The following RAD51B variants were observed in gnomAD, a reference collection of about 807,000 sequenced individuals.
RAD51B encodes the protein DNA repair protein RAD51 homolog 2.
RAD51B carries 38 observed loss-of-function variants against 42.2 expected under a neutral mutation model. That is an observed-to-expected ratio of 0.90 (90% CI 0.70 to 1.18). The LOEUF (loss-of-function observed/expected upper bound fraction) is 1.18. Among genes scored for constraint, RAD51B ranks in the 50% most tolerant of loss-of-function variants. The probability of loss-of-function intolerance (pLI) is 0.00; values close to 1 mark genes in which losing one functional copy is unlikely to be tolerated. For missense variants in RAD51B, 373 were observed against 400.7 expected, an observed-to-expected ratio of 0.93 and a Z score of 0.59; for synonymous variants, 154 against 145.2, an observed-to-expected ratio of 1.06 and a Z score of -0.43.
At chr14:68,153,876 A>T (rs1357588294) in intron 7 of RAD51B, among the ~76,000 whole-genome samples, 1 of 152,158 alleles carries the variant, frequency 6.6e-6, no homozygotes, top group Non-Finnish European at 1.5e-5. Flanking sequence ...AGTGTATCTC[A>T]TTTATTGAGT....
intron 8 of RAD51B, among the ~76,000 whole-genome samples, chr14:68,329,981 CAAAAA>C (rs57191974): frequency 1.8e-5 from 2 of 113,882 alleles, no homozygotes; most frequent in Non-Finnish European, 1.8e-5. Flanking sequence ...GACTCTGTCT[CAAAAA>C]AAAAAAAAAA....
intron 10 of RAD51B, among the ~76,000 whole-genome samples, chr14:68,636,117 A>T (rs1037299333): frequency 6.6e-6 from 1 of 152,212 alleles, no homozygotes; most frequent in African/African-American, 2.4e-5. Context: ...GTCACCAAAC[A>T]TCCATGTCAT....
At chr14:68,412,223 TA>T (rs2084440034) in intron 9 of RAD51B, among the ~76,000 whole-genome samples, 2 of 152,200 alleles carry the variant, frequency 1.3e-5, no homozygotes, top group African/African-American at 4.8e-5. Context: ...TGTTTCATAA[TA>T]AAAAAATTCT....
intron 10 of RAD51B, among the ~76,000 whole-genome samples, chr14:68,559,105 T>TTA (rs1421614286): frequency 6.6e-6 from 1 of 151,698 alleles, no homozygotes; most frequent in Non-Finnish European, 1.5e-5. Context: ...TGATATAGTG[T>TTA]TATATATATG....
At chr14:68,253,509 C>T (rs1337347884) in intron 7 of RAD51B, among the ~76,000 whole-genome samples, 2 of 152,118 alleles carry the variant, frequency 1.3e-5, no homozygotes, top group Non-Finnish European at 2.9e-5. Flanking sequence ...CCCAGTTTCT[C>T]ATTTGCCTTT....
intron 7 of RAD51B, among the ~76,000 whole-genome samples, chr14:68,265,008 T>G (rs946160692): frequency 2.6e-5 from 4 of 152,160 alleles, no homozygotes; most frequent in African/African-American, 9.7e-5. Context: ...GTCAAGTGGC[T>G]TAGGTAGAAT....
chr14:67,842,327 A>G (rs1323306729), intron 4 of RAD51B, among the ~76,000 whole-genome samples: 1 of 152,068 alleles, frequency 6.6e-6, no homozygotes, highest in Non-Finnish European at 1.5e-5. Flanking sequence ...ATAGAATCAT[A>G]TTGTCAGTGA....
chr14:67,892,722 C>T (rs1000496951), intron 7 of RAD51B, among the ~76,000 whole-genome samples: 1 of 152,182 alleles, frequency 6.6e-6, no homozygotes, highest in East Asian at 1.9e-4. Flanking sequence ...GATCTGGGGA[C>T]TACAATCTAA....
exon 11 of RAD51B, chr14:68,595,847 A>G (rs1890972986): frequency 3.4e-6 from 1 of 297,014 alleles, no homozygotes. Flanking sequence ...GTAAGAAAAA[A>G]GTATTATGTG....
chr14:68,270,718 A>T (rs1380003952), intron 7 of RAD51B, among the ~76,000 whole-genome samples: 1 of 152,200 alleles, frequency 6.6e-6, no homozygotes, highest in Admixed American at 6.5e-5. Context: ...TAGGTAAAAT[A>T]TTTAGCTCTC....
chr14:68,302,279 G>T (rs180985866), intron 8 of RAD51B, among the ~76,000 whole-genome samples: 2 of 152,336 alleles, frequency 1.3e-5, no homozygotes, highest in East Asian at 1.9e-4. Context: ...AAGGGCTGTG[G>T]CTATGACGGA....
intron 10 of RAD51B, among the ~76,000 whole-genome samples, chr14:68,475,008 G>A (rs1882439578): frequency 6.6e-6 from 1 of 152,168 alleles, no homozygotes; most frequent in African/African-American, 2.4e-5. Context: ...CTAGGATGTT[G>A]CCGTTACCAT....
At chr14:68,657,850 G>A (rs1383395943) in intron 11 of RAD51B, among the ~76,000 whole-genome samples, 1 of 152,222 alleles carries the variant, frequency 6.6e-6, no homozygotes, top group East Asian at 1.9e-4. Flanking sequence ...GGTGAGCCTG[G>A]TGGACCCAGG....
intron 5 of RAD51B, among the ~76,000 whole-genome samples, chr14:67,874,892 T>TG (rs756225485): frequency 1.6e-4 from 25 of 152,070 alleles, no homozygotes; most frequent in Non-Finnish European, 3.5e-4. Flanking sequence ...GATGGAACTG[T>TG]GGGTTAAGAA....
chr14:67,920,175 A>G (rs1282125924), intron 7 of RAD51B, among the ~76,000 whole-genome samples: 1 of 152,170 alleles, frequency 6.6e-6, no homozygotes, highest in Non-Finnish European at 1.5e-5. Context: ...ATGAAAAGCA[A>G]CTGAATTTCT....
chr14:68,053,960 A>G (rs1394959354), intron 7 of RAD51B, among the ~76,000 whole-genome samples: 1 of 152,224 alleles, frequency 6.6e-6, no homozygotes, highest in Non-Finnish European at 1.5e-5. Context: ...TCACATATGC[A>G]CATATTATAA....
chr14:68,053,870 T>C lies in RAD51B; in HGVS notation c.756+166666T>C, dbSNP rs192671229. On this transcript the variant is annotated intron_variant, in intron 7 of 10. Coordinates refer to ENST00000471583, the MANE Select transcript of RAD51B (RefSeq NM_133510.4). ...ATCCTGATATAATTCTGTTGGTAAA[T>C]ATTGATCTCACTTTGCTCTGAGATC... 7.5e-4 allele frequency among the ~76,000 whole-genome samples: 114 copies of C among 152,324 alleles called. 6 individuals carry two copies. In the East Asian group the frequency reaches 0.021, roughly 28 times the overall value.
At chr14:68,208,006 GT>G (rs1481607443) in intron 7 of RAD51B, among the ~76,000 whole-genome samples, 2 of 152,020 alleles carry the variant, frequency 1.3e-5, no homozygotes, top group Non-Finnish European at 2.9e-5. Context: ...GTTATACTGT[GT>G]GTATAAAGTG....
At chr14:68,066,194 C>T (rs571278640) in intron 7 of RAD51B, among the ~76,000 whole-genome samples, 9 of 151,720 alleles carry the variant, frequency 5.9e-5, no homozygotes, top group African/African-American at 1.2e-4. Flanking sequence ...AAAACACTTA[C>T]GTTGTAATAG....
Sources: allele counts gnomAD v4.1 joint callset (sites outside exome capture counted in the v4.1 genomes callset), GRCh38; gene constraint gnomAD v4.1.1; transcripts MANE v1.5; gene names NCBI Gene and HGNC (gene_info 2026-07-23, HGNC 2026-07-21).